ZNF565: variants seen among roughly 807,000 people sequenced by gnomAD.
ZNF565 encodes the protein zinc finger protein 565.
ZNF565 carries 27 observed loss-of-function variants against 39.4 expected under a neutral mutation model. That is an observed-to-expected ratio of 0.69 (90% CI 0.51 to 0.95). The LOEUF (loss-of-function observed/expected upper bound fraction) is 0.95, where lower values mean the gene tolerates loss of function less well. Among genes scored for constraint, ZNF565 ranks in the 40% least tolerant of loss-of-function variants. ZNF565 has a pLI of 0.00. For missense variants in ZNF565, 524 were observed against 621.1 expected, an observed-to-expected ratio of 0.84 and a Z score of 1.66; for synonymous variants, 185 against 216.6, an observed-to-expected ratio of 0.85 and a Z score of 1.28.
chr19:36,199,140 T>C (rs1270385507), intron 2 of ZNF565, among the ~76,000 whole-genome samples: 1 of 152,230 alleles, frequency 6.6e-6, no homozygotes, highest in Admixed American at 6.5e-5. Flanking sequence ...CTTGCTAATA[T>C]TCACATTCCT....
At chr19:36,193,472 G>A (rs528360877) in intron 4 of ZNF565, among the ~76,000 whole-genome samples, 173 of 136,270 alleles carry the variant, frequency 1.3e-3, no homozygotes, top group South Asian at 9.5e-3. Flanking sequence ...ACAGAGTCTC[G>A]CTCTGTTGCC....
intron 1 of ZNF565, among the ~76,000 whole-genome samples, chr19:36,229,892 G>C (rs1184274840): frequency 6.6e-6 from 1 of 152,102 alleles, no homozygotes; most frequent in Non-Finnish European, 1.5e-5. Flanking sequence ...GCTAATTTTT[G>C]TATTTTTCAT....
chr19:36,204,202 G>A (rs981094919), intron 1 of ZNF565, among the ~76,000 whole-genome samples: 1 of 152,062 alleles, frequency 6.6e-6, no homozygotes, highest in South Asian at 2.1e-4. Flanking sequence ...TGCCCACCTC[G>A]GCCTCCGAAA....
intron 4 of ZNF565, among the ~76,000 whole-genome samples, chr19:36,188,221 G>A (rs1975382590): frequency 1.3e-5 from 2 of 151,654 alleles, no homozygotes; most frequent in African/African-American, 4.8e-5. Context: ...CTGGCATGGT[G>A]TTGTGCACCT....
At chr19:36,241,263 A>T (rs1277223420) in intron 1 of ZNF565, among the ~76,000 whole-genome samples, 1 of 151,878 alleles carries the variant, frequency 6.6e-6, no homozygotes, top group African/African-American at 2.4e-5. Context: ...AGGCGGGCGG[A>T]TCACAAGGTC....
At chr19:36,227,364 T>C (rs1439196939) in intron 1 of ZNF565, among the ~76,000 whole-genome samples, 1 of 147,034 alleles carries the variant, frequency 6.8e-6, no homozygotes, top group Admixed American at 7.0e-5. Flanking sequence ...ACTCCCAGCC[T>C]GGGCAACAGA....
At chr19:36,200,651 G>A (rs968503634) in intron 2 of ZNF565, among the ~76,000 whole-genome samples, 1 of 151,656 alleles carries the variant, frequency 6.6e-6, no homozygotes, top group African/African-American at 2.4e-5. Context: ...ACTGCACCCA[G>A]CTAATTTCTG....
chr19:36,210,711 GC>G (rs1364604869), intron 1 of ZNF565, among the ~76,000 whole-genome samples: 8 of 149,814 alleles, frequency 5.3e-5, no homozygotes, highest in Non-Finnish European at 1.2e-4. Context: ...TGCAACCTCC[GC>G]CTCCCGGGCT....
chr19:36,218,146 C>T (rs1976691938), upstream of ZNF565: 1 of 144,202 alleles, frequency 6.9e-6, no homozygotes, highest in Non-Finnish European at 1.5e-5. Flanking sequence ...AGGAGCCAGA[C>T]TTCCTGTGTT....
intron 1 of ZNF565, chr19:36,213,257 CTGGAATGCAG>C (rs1391607645): frequency 6.6e-6 from 1 of 152,402 alleles, no homozygotes; most frequent in Non-Finnish European, 1.5e-5. Context: ...GTCACCTAGA[CTGGAATGCAG>C]TGGTTCAAAC....
At chr19:36,234,858 A>G (rs1422846416) in intron 1 of ZNF565, among the ~76,000 whole-genome samples, 1 of 152,130 alleles carries the variant, frequency 6.6e-6, no homozygotes, top group East Asian at 1.9e-4. Context: ...CTTCCATTTC[A>G]TATGAAGGTG....
chr19:36,222,279 A>G (rs1480177822), intron 1 of ZNF565, among the ~76,000 whole-genome samples: 1 of 152,158 alleles, frequency 6.6e-6, no homozygotes, highest in African/African-American at 2.4e-5. Context: ...CAGCTGCTGT[A>G]TAAATAAGAT....
chr19:36,204,360 A>G (rs1976075729), intron 1 of ZNF565, among the ~76,000 whole-genome samples: 1 of 152,218 alleles, frequency 6.6e-6, no homozygotes, highest in Admixed American at 6.5e-5. Flanking sequence ...CAGAAAAGGG[A>G]CAGAGAATAT....
chr19:36,237,347 A>G (rs1977681155), intron 1 of ZNF565: 2 of 1,559,146 alleles, frequency 1.3e-6, no homozygotes, highest in African/African-American at 2.7e-5. Flanking sequence ...TGAAAGTGGG[A>G]AAGCTTTCAT....
intron 4 of ZNF565, among the ~76,000 whole-genome samples, chr19:36,188,190 C>T (rs1975380941): frequency 6.6e-6 from 1 of 150,396 alleles, no homozygotes; most frequent in Non-Finnish European, 1.5e-5. Context: ...CCCGTCTCTA[C>T]TAAAAATACA....
chr19:36,205,241 G>A (rs1976107965), intron 1 of ZNF565, among the ~76,000 whole-genome samples: 1 of 151,838 alleles, frequency 6.6e-6, no homozygotes, highest in Non-Finnish European at 1.5e-5. Context: ...AAAAAGGTAG[G>A]TTTTCAGCCG....
intron 1 of ZNF565, among the ~76,000 whole-genome samples, chr19:36,211,609 C>G (rs1005678146): frequency 6.6e-6 from 1 of 151,148 alleles, no homozygotes; most frequent in African/African-American, 2.4e-5. Context: ...CTGGCTAACA[C>G]GGTGAAACCC....
intron 1 of ZNF565, among the ~76,000 whole-genome samples, chr19:36,220,619 G>T (rs1252926429): frequency 6.6e-6 from 1 of 152,100 alleles, no homozygotes; most frequent in Non-Finnish European, 1.5e-5. Flanking sequence ...GCCCACCTTG[G>T]CCTCCCAAAG....
chr19:36,185,207 G>T (rs971465522), intron 4 of ZNF565, among the ~76,000 whole-genome samples: 1 of 151,936 alleles, frequency 6.6e-6, no homozygotes, highest in Non-Finnish European at 1.5e-5. Flanking sequence ...CTGAGGTCGG[G>T]TGTTCGAGAT....
Sources: gnomAD v4.1 joint callset for allele counts (sites outside exome capture counted in the v4.1 genomes callset) on GRCh38, gnomAD v4.1.1 for gene constraint, MANE v1.5 for transcripts, NCBI Gene and HGNC (gene_info 2026-07-23, HGNC 2026-07-21) for gene names.